Variants in ZNF479 observed in about 807,000 individuals in gnomAD.
ZNF479 encodes the protein zinc finger protein 479, also known as KRAB zinc finger protein KR19.
In ZNF479, 15 loss-of-function variants were observed where a neutral mutation model predicts 14.7. The observed-to-expected ratio is 1.02, with a 90% CI of 0.68 to 1.57. The LOEUF (loss-of-function observed/expected upper bound fraction) is 1.57. Ranked by LOEUF, ZNF479 falls within the 40% of genes most tolerant of loss-of-function variation. ZNF479 has a pLI of 0.00. For missense variants in ZNF479, 506 were observed against 615.1 expected (o/e 0.82, Z 1.88); for synonymous variants, 145 against 211.5 (o/e 0.69, Z 2.73).
Position 57,120,685 on chromosome 7 carries a change from C to A in ZNF479, c.730G>T (p.Glu244Ter), listed in dbSNP as rs782499857. 5.6e-6 allele frequency: 9 copies of A among 1,613,502 alleles called. No homozygotes were observed. The South Asian group carries it at 9.9e-5, about 18-fold the overall frequency. ...IHTGEKPYRC[E>*]ECGKAFSWSA... Reference sequence around the variant, plus strand: ...CAGCTAAAGGCTTTGCCACATTCCTCACATCTATATGGTTTCTCTCCAGTA... The same window carrying A: ...CAGCTAAAGGCTTTGCCACATTCCTAACATCTATATGGTTTCTCTCCAGTA... The change falls in exon 4 of 4, where the codon GAG becomes TAG. Residue 244 changes from glutamate (E) to a stop codon, truncating the protein, a stop_gained. Transcript: ENST00000319636. LOFTEE classifies it low-confidence loss of function (END_TRUNC).
exon 1 of ZNF479, chr7:57,139,753 C>T (rs149023861): frequency 6.6e-5 from 10 of 152,302 alleles, no homozygotes; most frequent in African/African-American, 2.4e-4. Context: ...TGACATATCA[C>T]AAGACCTTTA....
chr7:57,132,947 CAAAT>C (rs1786501861), upstream of ZNF479, among the ~76,000 whole-genome samples: 1 of 151,984 alleles, frequency 6.6e-6, no homozygotes, highest in African/African-American at 2.4e-5. Flanking sequence ...ACAGGCCTGG[CAAAT>C]ATCGTGAAAC....
chr7:57,138,648 G>A (rs1272477791), intron 1 of ZNF479, among the ~76,000 whole-genome samples: 7 of 152,038 alleles, frequency 4.6e-5, no homozygotes. Flanking sequence ...TACAGTTCTG[G>A]GTTTTCTACT....
rs779184159 is a variant in ZNF479, at chr7:57,132,318, T to G, written c.7A>C (p.Lys3Gln). The G allele has an allele frequency of 4.3e-6, 7 of 1,614,140 alleles. No homozygotes were observed. In the Admixed American group the frequency reaches 1.2e-4, roughly 27 times the overall value. Residue 3 changes from lysine (K) to glutamine (Q), a missense_variant, in exon 1 of 4, where the codon AAA becomes CAA. Transcript: ENST00000319636. Reference sequence around the variant, plus strand: ...CGGCTTCCAGGGGGTCCTGGTCTTTTAGCCATAAATCTGCAGATACCTGCA... The same window carrying G: ...CGGCTTCCAGGGGGTCCTGGTCTTTGAGCCATAAATCTGCAGATACCTGCA... MA[K>Q]RPGPPGSREM...
intron 3 of ZNF479, among the ~76,000 whole-genome samples, chr7:57,124,055 G>A (rs1225225542): frequency 5.9e-5 from 9 of 152,200 alleles, no homozygotes; most frequent in Admixed American, 1.3e-4. Context: ...TAAGATGTCA[G>A]TATAACCCAC....
intron 3 of ZNF479, among the ~76,000 whole-genome samples, chr7:57,122,824 A>T (rs1256208428): frequency 6.6e-6 from 1 of 152,142 alleles, no homozygotes; most frequent in African/African-American, 2.4e-5. Flanking sequence ...TTTACTAGGA[A>T]TCTATAATTA....
At chr7:57,139,780 T>G (rs1263202777) in exon 1 of ZNF479, 1 of 152,206 alleles carries the variant, frequency 6.6e-6, no homozygotes. Flanking sequence ...ATGATATAAC[T>G]CTTTTTTCTG....
chr7:57,125,470 CAGCAAG>C, intron 3 of ZNF479, among the ~76,000 whole-genome samples: 1 of 151,130 alleles, frequency 6.6e-6, no homozygotes, highest in African/African-American at 2.4e-5. Context: ...TATCCCCCCA[CAGCAAG>C]TGGGGGGATA....
At chr7:57,136,805 C>A (rs368243915), upstream of ZNF479, among the ~76,000 whole-genome samples, 3 of 152,200 alleles carry the variant, frequency 2.0e-5, no homozygotes, top group East Asian at 5.8e-4. Context: ...TCCCCTCCAC[C>A]AACCATCTTG....
In ZNF479 at chr7:57,118,482, C is replaced by T. The variant is rs537104000; in HGVS notation, c.*1358G>A. On this transcript the variant is annotated 3_prime_UTR_variant, in exon 4 of 4. Coordinates refer to ENST00000319636, the MANE Select transcript of ZNF479 (RefSeq NM_001370129.2). ...TGCCTCCCCGGTTCAAGCAATTCTC[C>T]TACCTCTGCCTGCCAAGTAGCTGGG... 2.1e-4 allele frequency among the ~76,000 whole-genome samples: 32 copies of T among 152,252 alleles called. No homozygotes were observed. Among genetic ancestry groups the T allele is most frequent in the African/African-American group, 7.7e-4 (32 of 41,560 alleles).
chr7:57,120,960 G>A lies in ZNF479; in HGVS notation c.455C>T (p.Thr152Ile). 6.2e-7 allele frequency: 1 copy of A among 1,614,052 alleles called. No individual in the cohort carries two copies. The highest frequency in any genetic ancestry group is 8.5e-7 in the Non-Finnish European group (1 of 1,180,006). Residue 152 changes from threonine (T) to isoleucine (I), a missense_variant, in exon 4 of 4, where the codon ACC (threonine) becomes ATC (isoleucine). Coordinates refer to ENST00000319636, the MANE Select transcript of ZNF479 (RefSeq NM_001370129.2). ...ATGAGTCTGAAATATTTTGTTTTGG[G>A]TAGTTGACAAACATTGGTTAACTTC... ...YSEVNQCLSTTQNKIFQTHKY... is the reference protein window; with the variant it reads ...YSEVNQCLSTIQNKIFQTHKY...
At position 57,121,461 on chromosome 7, in the gene ZNF479, T is replaced by C. The variant is rs1341010908; in HGVS notation, c.263-309A>G. 3.9e-5 allele frequency among the ~76,000 whole-genome samples: 6 copies of C among 152,170 alleles called. No individual in the cohort carries two copies. In the East Asian group the frequency reaches 7.7e-4, roughly 20 times the overall value. ...CTTCCTCATGCCCAGTAGAAGAACATAGTGCCTTTAATAACAGCTTTAAGT... is the reference window on the plus strand; with the variant it reads ...CTTCCTCATGCCCAGTAGAAGAACACAGTGCCTTTAATAACAGCTTTAAGT... On this transcript the variant is annotated intron_variant, in intron 3 of 3. Transcript: ENST00000319636.
upstream of ZNF479, among the ~76,000 whole-genome samples, chr7:57,137,194 C>T (rs140738321): frequency 1.1e-4 from 16 of 152,222 alleles, no homozygotes; most frequent in Admixed American, 3.3e-4. Context: ...TGGAATGCAG[C>T]GGCACAATCT....
At chr7:57,126,496 A>G (rs1786173038) in intron 2 of ZNF479, 96 bp downstream of exon 2, 1 of 1,153,344 alleles carries the variant, frequency 8.7e-7, no homozygotes, top group Admixed American at 2.3e-5. Flanking sequence ...AAAATTGGAG[A>G]TCTAAAATTC....
chr7:57,132,627 G>T (rs753659143), upstream of ZNF479, among the ~76,000 whole-genome samples: 1 of 152,084 alleles, frequency 6.6e-6, no homozygotes, highest in Non-Finnish European at 1.5e-5. Flanking sequence ...TCACAGGCAG[G>T]GCTTCTTCCT....
intron 1 of ZNF479, among the ~76,000 whole-genome samples, chr7:57,130,615 A>T (rs1786373104): frequency 1.3e-5 from 2 of 152,178 alleles, no homozygotes; most frequent in South Asian, 4.1e-4. Flanking sequence ...ACAAAAACAG[A>T]TGCTTGTGAG....
upstream of ZNF479, among the ~76,000 whole-genome samples, chr7:57,137,357 G>A (rs541089161): frequency 6.6e-6 from 1 of 152,068 alleles, no homozygotes; most frequent in African/African-American, 2.4e-5. Flanking sequence ...AAAGAGTGGG[G>A]TTTCACTATG....
chr7:57,137,444 C>G (rs769300638), intron 1 of ZNF479, among the ~76,000 whole-genome samples: 1 of 151,946 alleles, frequency 6.6e-6, no homozygotes, highest in Non-Finnish European at 1.5e-5. Context: ...CGATTACAGG[C>G]GTGAGCCACC....
upstream of ZNF479, among the ~76,000 whole-genome samples, chr7:57,137,276 C>T (rs1002908565): frequency 4.6e-5 from 7 of 152,132 alleles, no homozygotes; most frequent in African/African-American, 1.2e-4. Context: ...GCTGGGATTA[C>T]AGGCATCCAC....
Sources: allele counts gnomAD v4.1 joint callset (sites outside exome capture counted in the v4.1 genomes callset), GRCh38; gene constraint gnomAD v4.1.1; transcripts MANE v1.5; gene names NCBI Gene and HGNC (gene_info 2026-07-23, HGNC 2026-07-21).